NRG3: variants seen among roughly 807,000 people sequenced by gnomAD.
NRG3 encodes the protein pro-neuregulin-3, membrane-bound isoform.
NRG3 carries 31 observed loss-of-function variants against 66.9 expected under a neutral mutation model. The observed-to-expected ratio is 0.46, with a 90% CI of 0.35 to 0.63. The LOEUF (loss-of-function observed/expected upper bound fraction) is 0.63. Ranked by LOEUF, NRG3 falls within the 20% of genes least tolerant of loss-of-function variation. NRG3 has a pLI of 0.00. For synonymous variants in NRG3, 393 were observed against 359.4 expected (o/e 1.09, Z -1.06); for missense variants, 910 against 878.9 (o/e 1.04, Z -0.45).
chr10:81,885,334 A>G (rs2047354673), intron 1 of NRG3, among the ~76,000 whole-genome samples: 1 of 152,204 alleles, frequency 6.6e-6, no homozygotes, highest in South Asian at 2.1e-4. Flanking sequence ...TTCTGTAGAC[A>G]CTAAAGTACT....
chr10:82,138,653 A>G lies in NRG3; in HGVS notation c.824-220086A>G, dbSNP rs919500799. ...CTGCAAGTCGAGGAGCAAGGAATTC[A>G]GTGGTGAATCAGCGCGAGTACCAAA... On this transcript the variant is annotated intron_variant, in intron 1 of 8. Transcript: ENST00000372141. 3.3e-5 allele frequency among the ~76,000 whole-genome samples: 5 copies of G among 152,202 alleles called. No individual in the cohort carries two copies. The East Asian group carries it at 9.7e-4, about 29-fold the overall frequency.
At chr10:82,772,731 G>T (rs1263087845) in intron 3 of NRG3, among the ~76,000 whole-genome samples, 2 of 114,552 alleles carry the variant, frequency 1.7e-5, no homozygotes, top group African/African-American at 3.5e-5. Flanking sequence ...TTTTTGAGAT[G>T]GTCTCACTCT....
intron 1 of NRG3, among the ~76,000 whole-genome samples, chr10:82,298,652 T>TA (rs1012174993): frequency 3.3e-5 from 5 of 152,136 alleles, no homozygotes; most frequent in African/African-American, 1.2e-4. Context: ...AAAAAAACCT[T>TA]ACCTCTTGCT....
intron 3 of NRG3, among the ~76,000 whole-genome samples, chr10:82,789,011 A>T (rs2060479638): frequency 6.6e-6 from 1 of 152,024 alleles, no homozygotes; most frequent in Admixed American, 6.5e-5. Context: ...TTATGTTTTT[A>T]TTTATTTTGA....
At chr10:82,740,823 CAAAAA>C (rs56944502) in intron 3 of NRG3, among the ~76,000 whole-genome samples, 20 of 118,324 alleles carry the variant, frequency 1.7e-4, no homozygotes, top group African/African-American at 5.9e-4. Flanking sequence ...GACTCTGTCT[CAAAAA>C]AAAAAAAAAA....
intron 1 of NRG3, among the ~76,000 whole-genome samples, chr10:82,123,472 G>T (rs1052816054): frequency 1.3e-5 from 2 of 152,112 alleles, no homozygotes; most frequent in Non-Finnish European, 2.9e-5. Flanking sequence ...CTTTCACTGT[G>T]AGCACCTGCT....
At chr10:82,856,063 C>T (rs983534864) in intron 3 of NRG3, among the ~76,000 whole-genome samples, 3 of 152,128 alleles carry the variant, frequency 2.0e-5, no homozygotes, top group South Asian at 2.1e-4. Flanking sequence ...TTGTGGATAT[C>T]GTTTTTCAAT....
chr10:82,208,551 A>G (rs2075242128), intron 1 of NRG3, among the ~76,000 whole-genome samples: 1 of 152,110 alleles, frequency 6.6e-6, no homozygotes, highest in Non-Finnish European at 1.5e-5. Context: ...CATCCTATAA[A>G]AGAGCACGAA....
chr10:82,707,495 G>GCAAGAAGCTGGTACCTCC (rs1467935028), intron 2 of NRG3, among the ~76,000 whole-genome samples: 2 of 151,376 alleles, frequency 1.3e-5, no homozygotes, highest in Admixed American at 6.6e-5. Context: ...GCCTCAGGAG[G>GCAAGAAGCTGGTACCTCC]CAAGAAGCTG....
At chr10:82,100,910 A>G (rs1003880089) in intron 1 of NRG3, among the ~76,000 whole-genome samples, 1 of 152,026 alleles carries the variant, frequency 6.6e-6, no homozygotes, top group African/African-American at 2.4e-5. Flanking sequence ...AGAAGAGAAT[A>G]TGTGGAATTG....
intron 2 of NRG3, among the ~76,000 whole-genome samples, chr10:82,525,195 T>C (rs961183137): frequency 3.3e-5 from 5 of 151,736 alleles, no homozygotes; most frequent in Non-Finnish European, 5.9e-5. Context: ...ACAAAACTGA[T>C]GAGAGAGAGA....
intron 2 of NRG3, among the ~76,000 whole-genome samples, chr10:82,612,622 G>T (rs1464986393): frequency 6.6e-6 from 1 of 152,074 alleles, no homozygotes; most frequent in African/African-American, 2.4e-5. Flanking sequence ...AGTTTAAAAT[G>T]AATGTCTTTT....
chr10:82,910,750 T>C (rs1236969384), intron 4 of NRG3, among the ~76,000 whole-genome samples: 1 of 152,250 alleles, frequency 6.6e-6, no homozygotes, highest in African/African-American at 2.4e-5. Context: ...AGGGTATCCT[T>C]AGATCAATGA....
chr10:82,832,494 C>A (rs2062575825), intron 3 of NRG3, among the ~76,000 whole-genome samples: 2 of 152,014 alleles, frequency 1.3e-5, no homozygotes, highest in Non-Finnish European at 2.9e-5. Flanking sequence ...CAATACAAAG[C>A]AATAATAATA....
At chr10:82,564,951 G>A (rs543193377) in intron 2 of NRG3, among the ~76,000 whole-genome samples, 1 of 152,080 alleles carries the variant, frequency 6.6e-6, no homozygotes, top group Admixed American at 6.6e-5. Context: ...GCCAGATTCT[G>A]TATAATACCC....
intron 1 of NRG3, among the ~76,000 whole-genome samples, chr10:81,940,659 C>G (rs1848332085): frequency 1.3e-5 from 2 of 151,972 alleles, no homozygotes; most frequent in African/African-American, 4.8e-5. Context: ...AAGCTCTTTG[C>G]AGTACATTGG....
intron 4 of NRG3, among the ~76,000 whole-genome samples, chr10:82,922,290 G>A (rs1022570703): frequency 1.3e-5 from 2 of 152,110 alleles, no homozygotes; most frequent in Non-Finnish European, 2.9e-5. Flanking sequence ...AGGTTTTACT[G>A]TTTAAGTTTT....
intron 2 of NRG3, among the ~76,000 whole-genome samples, chr10:82,702,890 T>C (rs909290708): frequency 3.3e-5 from 5 of 152,192 alleles, no homozygotes; most frequent in African/African-American, 1.2e-4. Context: ...AATTCTTAAA[T>C]TATGATAACC....
At chr10:82,918,202 T>C (rs1480503781) in intron 4 of NRG3, among the ~76,000 whole-genome samples, 1 of 151,886 alleles carries the variant, frequency 6.6e-6, no homozygotes, top group African/African-American at 2.4e-5. Flanking sequence ...CAAGAGCAGG[T>C]TTCATAAATA....
Sources: allele counts gnomAD v4.1 joint callset (sites outside exome capture counted in the v4.1 genomes callset), GRCh38; gene constraint gnomAD v4.1.1; transcripts MANE v1.5; gene names NCBI Gene and HGNC (gene_info 2026-07-23, HGNC 2026-07-21).